The following MYH10 variants were observed in gnomAD, a reference collection of about 807,000 sequenced individuals.
MYH10 encodes the protein myosin-10.
A neutral mutation model predicts 257.8 loss-of-function variants in MYH10; 55 were observed. The ratio of observed to expected loss-of-function variants is 0.21; its 90% CI spans 0.17 to 0.27. The LOEUF (loss-of-function observed/expected upper bound fraction) is 0.27, where lower values mean the gene tolerates loss of function less well. Among genes scored for constraint, MYH10 ranks in the 10% least tolerant of loss-of-function variants. The probability of loss-of-function intolerance (pLI) is 1.00; values close to 1 mark genes in which losing one functional copy is unlikely to be tolerated. For missense variants in MYH10, 1,631 were observed against 2,500.6 expected (o/e 0.65, Z 7.42); for synonymous variants, 854 against 921.7 (o/e 0.93, Z 1.33).
chr17:8,592,933 C>CCACATATATATATA (rs1555612260), intron 3 of MYH10, among the ~76,000 whole-genome samples: 4 of 44,746 alleles, frequency 8.9e-5, no homozygotes, highest in Non-Finnish European at 9.0e-5. Flanking sequence ...TCAAATCCAG[C>CCACATATATATATA]TATATATATA....
intron 7 of MYH10, among the ~76,000 whole-genome samples, chr17:8,557,574 T>C (rs2082845856): frequency 6.6e-6 from 1 of 152,208 alleles, no homozygotes; most frequent in African/African-American, 2.4e-5. Context: ...TAAGAAATAC[T>C]TGACGAGCTT....
Position 8,623,108 on chromosome 17 carries a change from C to T in MYH10, c.139G>A (p.Ala47Thr). ...CCCCGTTCTTCTTTGATACTAGCTG[C>T]CTCAAAACCATGGCGTTCTGATGGA... is the stretch of plus-strand genomic sequence containing the variant. The part of the protein sequence containing the change: ...WIPSERHGFE[A>T]ASIKEERGDE... Residue 47 changes from alanine (A) to threonine (T), a missense_variant, in exon 2 of 43, where the codon GCA becomes ACA. By Grantham distance (58) the Ala-to-Thr change is moderately conservative. Around this residue, in one of 11 missense-constraint regions of MYH10, gnomAD observed 360 missense variants for 581.9 expected, o/e 0.62. Coordinates refer to ENST00000360416, the MANE Select transcript of MYH10 (RefSeq NM_001256012.3). The T allele has an allele frequency of 6.2e-7, 1 of 1,614,044 alleles. No homozygotes were observed.
chr17:8,525,264 A>AG (rs2081803896), intron 17 of MYH10, among the ~76,000 whole-genome samples: 1 of 152,132 alleles, frequency 6.6e-6, no homozygotes. Flanking sequence ...AGCTAAATAC[A>AG]CCACTCCCTT....
rs991175343 is a variant in MYH10 at position 8,552,756 on chromosome 17, G to A, written c.821-612C>T. On this transcript the variant is annotated intron_variant, in intron 8 of 42. Coordinates refer to ENST00000360416, the MANE Select transcript of MYH10 (RefSeq NM_001256012.3). The surrounding 1 kb of genome is among the most constrained non-coding windows in gnomAD (Gnocchi z 4.8). ...CTTTCCCATATGCCTTGACAGCTAC[G>A]ATGAGATTAAGCACTAGTCTTCCCT... Among the ~76,000 whole-genome samples the A allele has an allele frequency of 1.3e-5, 2 of 152,158 alleles. No homozygotes were observed. The highest frequency in any genetic ancestry group is 2.4e-5 in the African/African-American group (1 of 41,434).
At position 8,500,974 on chromosome 17, in the gene MYH10, G is replaced by A; in HGVS notation, c.3600-4C>T. ...CACTTCTTGTTCACGTTTTGTACTA[G>A]AGAAGGACATTTTTTAAGAGAGATC... is the stretch of plus-strand genomic sequence containing the variant. On this transcript the variant is annotated splice_region_variant and splice_polypyrimidine_tract_variant and intron_variant, in intron 28 of 42. Transcript: ENST00000360416. The A allele has an allele frequency of 6.2e-7, 1 of 1,610,668 alleles. No individual in the cohort carries two copies. Among genetic ancestry groups the A allele is most frequent in the Non-Finnish European group, 8.5e-7 (1 of 1,179,148 alleles).
chr17:8,595,526 G>A (rs868025212), intron 3 of MYH10, among the ~76,000 whole-genome samples: 4 of 136,322 alleles, frequency 2.9e-5, no homozygotes, highest in East Asian at 2.3e-4. Context: ...TCCGCCTCCC[G>A]GGTTCAAGCG....
intron 24 of MYH10, among the ~76,000 whole-genome samples, chr17:8,510,724 G>C (rs2081239970): frequency 6.6e-6 from 1 of 152,110 alleles, no homozygotes; most frequent in African/African-American, 2.4e-5. Flanking sequence ...CTATATACAT[G>C]TTCGGCCAAA....
intron 3 of MYH10, among the ~76,000 whole-genome samples, chr17:8,601,625 T>A (rs922453600): frequency 3.0e-4 from 45 of 152,228 alleles, no homozygotes; most frequent in African/African-American, 1.1e-3. Context: ...AGTCTTCAAA[T>A]CTACTGCTCT....
chr17:8,521,553 A>G (rs1265277559), intron 17 of MYH10: 7 of 462,914 alleles, frequency 1.5e-5, no homozygotes, highest in African/African-American at 1.3e-4. Flanking sequence ...TCAGGAATTC[A>G]CTGTCTTGGA....
intron 5 of MYH10, 99 bp from the exon 6 acceptor site, chr17:8,576,771 A>G (rs2083513103): frequency 6.0e-6 from 7 of 1,174,562 alleles, no homozygotes; most frequent in Non-Finnish European, 8.6e-6. Context: ...GCAGTTGAGA[A>G]CTGTGGAAGC....
chr17:8,541,926 G>C, intron 14 of MYH10, 181 bp downstream of exon 14: 1 of 560,990 alleles, frequency 1.8e-6, no homozygotes. Context: ...GGGTTTTACT[G>C]GCATGCTACT....
At chr17:8,476,042 C>T in intron 42 of MYH10, 94 bp from the exon 43 acceptor site, 1 of 1,382,324 alleles carries the variant, frequency 7.2e-7, no homozygotes, top group Non-Finnish European at 9.7e-7. Context: ...GAACCTTCCC[C>T]TTGCACCCCC....
Position 8,504,945 on chromosome 17 carries a change from G to T in MYH10, c.3387-39C>A, listed in dbSNP as rs1389413619. The T allele has an allele frequency of 6.4e-7, 1 of 1,566,092 alleles. No individual in the cohort carries two copies. Among genetic ancestry groups the T allele is most frequent in the Admixed American group, 1.7e-5 (1 of 59,774 alleles). On this transcript the variant is annotated intron_variant, in intron 27 of 42. Transcript: ENST00000360416. The surrounding 1 kb of genome is among the most constrained non-coding windows in gnomAD (Gnocchi z 5.6). Reference sequence around the variant, plus strand: ...CAGGCGCAAGAGGCACTCAGAGATGGCACCCGGATGGCCTGTTTCTCAGGC... The same window carrying T: ...CAGGCGCAAGAGGCACTCAGAGATGTCACCCGGATGGCCTGTTTCTCAGGC...
At chr17:8,483,523 G>A (rs923803249) in intron 37 of MYH10, among the ~76,000 whole-genome samples, 5 of 152,128 alleles carry the variant, frequency 3.3e-5, no homozygotes, top group African/African-American at 1.2e-4. Context: ...TTTGTATTGG[G>A]AGTTTTTTCA....
chr17:8,485,932 A>G (rs1185496243), intron 36 of MYH10, among the ~76,000 whole-genome samples: 2 of 152,238 alleles, frequency 1.3e-5, no homozygotes, highest in Non-Finnish European at 2.9e-5. Context: ...CAAATGTCCA[A>G]CTGGGGGATA....
intron 12 of MYH10, among the ~76,000 whole-genome samples, chr17:8,546,041 T>TA (rs111596278): frequency 6.6e-6 from 1 of 152,194 alleles, no homozygotes; most frequent in African/African-American, 2.4e-5. Flanking sequence ...TTACTTTTTT[T>TA]AAAAAATCAC....
chr17:8,552,804 C>A lies in MYH10; in HGVS notation c.821-660G>T, dbSNP rs1289028584. ...CCTCTGCTGCTCTGAAGAACCGGTG[C>A]GGCCAGTACCTACGCCTGCTGCTAC... On this transcript the variant is annotated intron_variant, in intron 8 of 42. Coordinates refer to ENST00000360416, the MANE Select transcript of MYH10 (RefSeq NM_001256012.3). The surrounding 1 kb of genome is among the most constrained non-coding windows in gnomAD (Gnocchi z 4.8). 6.6e-6 allele frequency among the ~76,000 whole-genome samples: 1 copy of A among 152,276 alleles called. No homozygotes were observed. Among genetic ancestry groups the A allele is most frequent in the Non-Finnish European group, 1.5e-5 (1 of 68,008 alleles).
chr17:8,582,939 C>T (rs963583389), intron 4 of MYH10, among the ~76,000 whole-genome samples: 1 of 152,120 alleles, frequency 6.6e-6, no homozygotes, highest in Admixed American at 6.6e-5. Flanking sequence ...TAGATAACCT[C>T]GATTTGAAAA....
chr17:8,506,166 A>G lies in MYH10; in HGVS notation c.3386+152T>C, dbSNP rs1241118184. The G allele has an allele frequency of 7.6e-6, 5 of 660,620 alleles. No homozygotes were observed. Among genetic ancestry groups the G allele is most frequent in the Middle Eastern group, 4.3e-4 (1 of 2,336 alleles). 40.9% of individuals were successfully genotyped at this position (660,620 alleles called of 1,614,324 possible). On this transcript the variant is annotated intron_variant, in intron 27 of 42. Transcript: ENST00000360416. The surrounding 1 kb of genome is among the most constrained non-coding windows in gnomAD (Gnocchi z 5.0). ...CTTGCTGTCCTGACACAAATTCTGT[A>G]CGCCTGGGCTTTTCACTTTCTCAGG...
Sources: allele counts gnomAD v4.1 joint callset (sites outside exome capture counted in the v4.1 genomes callset), GRCh38; gene constraint gnomAD v4.1.1; regional missense constraint gnomAD v4.1.1; non-coding constraint Gnocchi (gnomAD v3.1); transcripts MANE v1.5; gene names NCBI Gene and HGNC (gene_info 2026-07-23, HGNC 2026-07-21).